The following C3orf52 variants were observed in gnomAD, a reference collection of about 807,000 sequenced individuals.
C3orf52 encodes the protein chromosome 3 open reading frame 52.
In C3orf52, 22 loss-of-function variants were observed where a neutral mutation model predicts 24.8. The observed-to-expected ratio is 0.89, with a 90% CI of 0.63 to 1.27. The LOEUF (loss-of-function observed/expected upper bound fraction) is 1.27. Among genes scored for constraint, C3orf52 ranks in the 50% most tolerant of loss-of-function variants. C3orf52 has a pLI of 0.00. For synonymous variants in C3orf52, 93 were observed against 100.2 expected (o/e 0.93, Z 0.43); for missense variants, 265 against 260.7 (o/e 1.02, Z -0.11).
intron 2 of C3orf52, among the ~76,000 whole-genome samples, chr3:112,099,745 T>C (rs112571153): frequency 5.3e-5 from 8 of 152,248 alleles, no homozygotes; most frequent in African/African-American, 1.9e-4. Context: ...GGGCTTGATA[T>C]CTTGGAAACC....
chr3:112,126,418 A>G (rs1310411247), intron 4 of C3orf52, among the ~76,000 whole-genome samples: 1 of 152,042 alleles, frequency 6.6e-6, no homozygotes, highest in Non-Finnish European at 1.5e-5. Context: ...TCCTTCTAGA[A>G]TTCTTTCTCC....
chr3:112,092,304 C>T (rs1055070638), intron 1 of C3orf52, among the ~76,000 whole-genome samples: 1 of 152,178 alleles, frequency 6.6e-6, no homozygotes, highest in Non-Finnish European at 1.5e-5. Context: ...GCCACCTTGC[C>T]TTTAAGTGGT....
intron 3 of C3orf52, among the ~76,000 whole-genome samples, chr3:112,105,599 C>T (rs556230710): frequency 2.7e-5 from 4 of 149,910 alleles, no homozygotes; most frequent in Middle Eastern, 3.4e-3. Flanking sequence ...TATCTGCCAC[C>T]AGCTGGGTGT....
At chr3:112,093,759 A>G (rs908253549) in intron 2 of C3orf52, among the ~76,000 whole-genome samples, 1 of 152,214 alleles carries the variant, frequency 6.6e-6, no homozygotes, top group Non-Finnish European at 1.5e-5. Context: ...GATCTTGAAG[A>G]GGTTTCTTAA....
chr3:112,103,053 G>A (rs1432928499), intron 3 of C3orf52, 88 bp downstream of exon 3: 1 of 1,250,368 alleles, frequency 8.0e-7, no homozygotes, highest in Non-Finnish European at 1.1e-6. Context: ...TATAGAGTAA[G>A]TAGCTTCAAT....
intron 3 of C3orf52, among the ~76,000 whole-genome samples, chr3:112,109,300 G>T (rs1309445302): frequency 6.6e-6 from 1 of 152,158 alleles, no homozygotes; most frequent in African/African-American, 2.4e-5. Flanking sequence ...GCCACAGGGT[G>T]CCAGTGCAAC....
At position 112,113,254 on chromosome 3, in the gene C3orf52, T is replaced by A. The variant is rs2074103815; in HGVS notation, c.649+109T>A. On this transcript the variant is annotated intron_variant, in intron 5 of 5. Coordinates refer to ENST00000264848, the MANE Select transcript of C3orf52 (RefSeq NM_024616.3). ...GCAACTGTGGTGACTTGGTACTGTG[T>A]CAGACTATTCATTTATTCACTCATC... 47 of 775,350 alleles carry A rather than the reference T, an allele frequency of 6.1e-5. 1 individual carries two copies. In the South Asian group the frequency reaches 8.4e-4, roughly 14 times the overall value. 48.0% of individuals were successfully genotyped at this position (775,350 alleles called of 1,614,324 possible). A position where few individuals can be genotyped will look rare whatever the true frequency, so the allele number is the denominator to read the frequency against.
At chr3:112,131,813 G>A (rs138829835), downstream of C3orf52, among the ~76,000 whole-genome samples, 681 of 152,278 alleles carry the variant, frequency 4.5e-3, 2 homozygotes, top group African/African-American at 0.016. Flanking sequence ...AAGCATGAAT[G>A]CAATGGCAGA....
In C3orf52 at chr3:112,117,288, C is replaced by G; in HGVS notation, c.*642C>G. 2.9e-6 allele frequency: 1 copy of G among 350,002 alleles called. No individual in the cohort carries two copies. The allele number at this position is 350,002 out of a possible 1,614,324, so 21.7% of individuals were successfully genotyped here. On this transcript the variant is annotated 3_prime_UTR_variant, in exon 6 of 6. Coordinates refer to ENST00000264848, the MANE Select transcript of C3orf52 (RefSeq NM_024616.3). ...CAGCAGTGTGGTTCTGTGTCTACTT[C>G]CATGACCTGTACCTGAGTATCTTAG...
At chr3:112,112,844 T>C in intron 4 of C3orf52, 120 bp from the exon 5 acceptor site, 1 of 799,164 alleles carries the variant, frequency 1.3e-6, no homozygotes. Context: ...AGAACATTCT[T>C]TGCTATTTTG....
downstream of C3orf52, chr3:112,133,019 C>T: frequency 6.7e-7 from 1 of 1,496,830 alleles, no homozygotes; most frequent in Non-Finnish European, 9.3e-7. Context: ...TGTATACTAG[C>T]TTTCTTTTTC....
downstream of C3orf52, among the ~76,000 whole-genome samples, chr3:112,118,619 T>C (rs562337155): frequency 1.3e-5 from 2 of 152,302 alleles, no homozygotes; most frequent in South Asian, 2.1e-4. Context: ...TCTGCCCAAA[T>C]GGTATGGGAA....
In C3orf52 at chr3:112,086,433, C is replaced by T. The variant is rs1256568370; in HGVS notation, c.26C>T (p.Pro9Leu). The change falls in exon 1 of 6, where the codon CCA becomes CTA. Residue 9 changes from proline to leucine, a missense_variant. Physicochemically the swap from Pro to Leu is moderately conservative, Grantham distance 98. Coordinates refer to ENST00000264848, the MANE Select transcript of C3orf52 (RefSeq NM_024616.3). ...ATGGACCTGGCCCAACCCTCACAGC[C>T]AGTAGACGAGCTGGAGCTCTCGGTG... MDLAQPSQ[P>L]VDELELSVLE... 2 of 1,550,886 alleles carry T rather than the reference C, an allele frequency of 1.3e-6. No homozygotes were observed. The highest frequency in any genetic ancestry group is 1.4e-5 in the African/African-American group (1 of 72,998).
downstream of C3orf52, chr3:112,130,420 G>C (rs964442030): frequency 2.5e-6 from 4 of 1,594,792 alleles, no homozygotes; most frequent in Non-Finnish European, 2.6e-6. Flanking sequence ...AGGTCTGGGG[G>C]GTGTTTGGTT....
At position 112,093,506 on chromosome 3, in the gene C3orf52, G is replaced by A; in HGVS notation, c.268+17G>A. The A allele has an allele frequency of 6.2e-7, 1 of 1,607,074 alleles. No individual in the cohort carries two copies. Among genetic ancestry groups the A allele is most frequent in the Non-Finnish European group, 8.5e-7 (1 of 1,176,016 alleles). On this transcript the variant is annotated intron_variant, in intron 2 of 5. Transcript: ENST00000264848. ...TTGCTGCAGGTAAGAGGATTTAGAT[G>A]TGAATAAATAACACATTTTAAGAAC...
chr3:112,112,071 C>A (rs1169263732), intron 4 of C3orf52: 2 of 152,228 alleles, frequency 1.3e-5, no homozygotes, highest in African/African-American at 2.4e-5. Flanking sequence ...AAAACTTCCC[C>A]AAGGTGATAG....
chr3:112,135,765 C>G (rs1576179458), downstream of C3orf52, among the ~76,000 whole-genome samples: 1 of 152,026 alleles, frequency 6.6e-6, no homozygotes, highest in South Asian at 2.1e-4. Flanking sequence ...TTTGTTACCT[C>G]TTGCAAAGGA....
intron 4 of C3orf52, 143 bp from the exon 5 acceptor site, chr3:112,112,821 G>C (rs369579186): frequency 3.9e-6 from 3 of 763,620 alleles, no homozygotes; most frequent in Non-Finnish European, 4.7e-6. Context: ...AGGACAGTAT[G>C]TTCTTCCAGG....
At chr3:112,134,354 A>G (rs1422374986), downstream of C3orf52, 3 of 152,180 alleles carry the variant, frequency 2.0e-5, no homozygotes, top group African/African-American at 2.4e-5. Context: ...TTAGCTGTCC[A>G]CGGATGGCAA....
Sources: gnomAD v4.1 joint callset for allele counts (sites outside exome capture counted in the v4.1 genomes callset) on GRCh38, gnomAD v4.1.1 for gene constraint, MANE v1.5 for transcripts, NCBI Gene and HGNC (gene_info 2026-07-23, HGNC 2026-07-21) for gene names.